ADAMTSL1: variants seen among roughly 807,000 people sequenced by gnomAD.
ADAMTSL1 encodes ADAMTS-like protein 1.
A neutral mutation model predicts 201.8 loss-of-function variants in ADAMTSL1; 126 were observed. The ratio of observed to expected loss-of-function variants is 0.62; its 90% CI spans 0.54 to 0.72. The LOEUF (loss-of-function observed/expected upper bound fraction) is 0.72. Ranked by LOEUF, ADAMTSL1 falls within the 30% of genes least tolerant of loss-of-function variation. The pLI is 0.00. For missense variants in ADAMTSL1, 2,679 were observed against 2,277.8 expected (o/e 1.18, Z -3.59); for synonymous variants, 1,121 against 903.4 (o/e 1.24, Z -4.32).
At chr9:18,285,644 C>T in intron 2 of ADAMTSL1, among the ~76,000 whole-genome samples, 1 of 151,644 alleles carries the variant, frequency 6.6e-6, no homozygotes, top group East Asian at 1.9e-4. Context: ...GGGGTGTTGA[C>T]ACTTTGTCAT....
rs761478737 is a variant in ADAMTSL1, at chr9:18,275,553, G to T, written c.207+111572G>T. Among the ~76,000 whole-genome samples the T allele has an allele frequency of 1.5e-4, 23 of 151,680 alleles. No individual in the cohort carries two copies. In the East Asian group the frequency reaches 1.6e-3, roughly 10 times the overall value. The stretch of plus-strand genomic sequence containing the variant: ...TTAGCCCTAGGCAACTACTGATCTG[G>T]TTTTTTTTGCCACTACAGATCTGCC... On this transcript the variant is annotated intron_variant, in intron 2 of 29. Transcript: ENST00000680146.
At chr9:17,984,864 A>C (rs1216582986) in intron 1 of ADAMTSL1, among the ~76,000 whole-genome samples, 3 of 152,122 alleles carry the variant, frequency 2.0e-5, no homozygotes, top group African/African-American at 7.2e-5. Flanking sequence ...TCAAAATCCT[A>C]ATCATAACCC....
chr9:18,827,656 T>C (rs1824668575), intron 22 of ADAMTSL1, among the ~76,000 whole-genome samples: 1 of 152,192 alleles, frequency 6.6e-6, no homozygotes, highest in Non-Finnish European at 1.5e-5. Context: ...CTAATAATCC[T>C]TCCTTATTGT....
chr9:18,213,850 C>T (rs1829969293), intron 2 of ADAMTSL1, among the ~76,000 whole-genome samples: 1 of 152,114 alleles, frequency 6.6e-6, no homozygotes, highest in South Asian at 2.1e-4. Context: ...AGCAATTCCC[C>T]TGCCTCAGCC....
At chr9:18,697,423 G>T (rs575754504) in intron 13 of ADAMTSL1, among the ~76,000 whole-genome samples, 6 of 152,120 alleles carry the variant, frequency 3.9e-5, no homozygotes, top group Non-Finnish European at 1.5e-5. Context: ...ACCATCAAAG[G>T]CTCCTAATTC....
intron 1 of ADAMTSL1, among the ~76,000 whole-genome samples, chr9:17,938,403 A>G (rs1410594774): frequency 6.6e-6 from 1 of 152,160 alleles, no homozygotes; most frequent in African/African-American, 2.4e-5. Context: ...AACAATTTCA[A>G]AGAGATACCC....
intron 3 of ADAMTSL1, among the ~76,000 whole-genome samples, chr9:18,546,369 G>A (rs929497373): frequency 6.6e-5 from 10 of 151,932 alleles, no homozygotes; most frequent in African/African-American, 1.4e-4. Flanking sequence ...TGGGGTGCAC[G>A]GGTACAATCA....
chr9:18,322,616 C>T (rs564128640), intron 2 of ADAMTSL1, among the ~76,000 whole-genome samples: 1 of 152,042 alleles, frequency 6.6e-6, no homozygotes. Flanking sequence ...GCCTGGGTGA[C>T]GAGAGCAAAA....
intron 2 of ADAMTSL1, among the ~76,000 whole-genome samples, chr9:18,327,192 C>T (rs1834860319): frequency 6.6e-6 from 1 of 152,194 alleles, no homozygotes; most frequent in Non-Finnish European, 1.5e-5. Flanking sequence ...TCTGTAATAA[C>T]TGGGCAGAAA....
chr9:18,633,106 G>A (rs1826879620), intron 5 of ADAMTSL1, among the ~76,000 whole-genome samples: 1 of 152,230 alleles, frequency 6.6e-6, no homozygotes, highest in Non-Finnish European at 1.5e-5. Context: ...TGCATGAGCT[G>A]TGTGTGGGTC....
intron 15 of ADAMTSL1, among the ~76,000 whole-genome samples, chr9:18,743,577 T>C (rs1818965259): frequency 6.6e-6 from 1 of 152,200 alleles, no homozygotes; most frequent in Non-Finnish European, 1.5e-5. Flanking sequence ...ACTTCAGGTG[T>C]TTGATAATCT....
chr9:18,873,125 G>A (rs1827960792), intron 23 of ADAMTSL1, among the ~76,000 whole-genome samples: 1 of 152,086 alleles, frequency 6.6e-6, no homozygotes, highest in Non-Finnish European at 1.5e-5. Flanking sequence ...ATCTTCTTTT[G>A]AGAATTGTCT....
At chr9:18,211,208 A>G (rs1429574980) in intron 2 of ADAMTSL1, among the ~76,000 whole-genome samples, 1 of 152,168 alleles carries the variant, frequency 6.6e-6, no homozygotes, top group African/African-American at 2.4e-5. Context: ...TTCCACTTTA[A>G]GAATGGTTTT....
At chr9:18,579,939 C>G (rs1189496176) in intron 4 of ADAMTSL1, among the ~76,000 whole-genome samples, 3 of 152,130 alleles carry the variant, frequency 2.0e-5, no homozygotes, top group Admixed American at 6.5e-5. Context: ...ATGGACAGAA[C>G]ATGTGCTGCT....
At chr9:18,908,344 C>A in intron 28 of ADAMTSL1, 98 bp from the exon 29 acceptor site, 1 of 1,043,440 alleles carries the variant, frequency 9.6e-7, no homozygotes, top group Non-Finnish European at 1.4e-6. Flanking sequence ...ACCCCAGTGG[C>A]TGAAACCCCC....
intron 23 of ADAMTSL1, among the ~76,000 whole-genome samples, chr9:18,847,956 G>C (rs976850772): frequency 7.9e-5 from 12 of 152,236 alleles, no homozygotes; most frequent in African/African-American, 2.7e-4. Context: ...TCCAGCATTA[G>C]ACAGGGGCAG....
intron 3 of ADAMTSL1, among the ~76,000 whole-genome samples, chr9:18,568,029 T>C (rs1245563452): frequency 6.6e-6 from 1 of 152,158 alleles, no homozygotes; most frequent in African/African-American, 2.4e-5. Flanking sequence ...TGATCTCTCT[T>C]TCATTCTCTC....
intron 23 of ADAMTSL1, among the ~76,000 whole-genome samples, chr9:18,844,475 G>C (rs542118272): frequency 6.6e-6 from 1 of 152,278 alleles, no homozygotes; most frequent in African/African-American, 2.4e-5. Flanking sequence ...TAGGCTGCTC[G>C]GGGGTCAGGG....
At chr9:18,647,958 T>G (rs11562228) in intron 7 of ADAMTSL1, among the ~76,000 whole-genome samples, 10,081 of 138,542 alleles carry the variant, frequency 0.073, 521 homozygotes, top group Non-Finnish European at 0.11. Context: ...CTTTCTGTCT[T>G]GTTGATCCGT....
Sources: allele counts gnomAD v4.1 joint callset (sites outside exome capture counted in the v4.1 genomes callset), GRCh38; gene constraint gnomAD v4.1.1; transcripts MANE v1.5; gene names NCBI Gene and HGNC (gene_info 2026-07-23, HGNC 2026-07-21).